KCNK10: variants seen among roughly 807,000 people sequenced by gnomAD.
KCNK10 encodes potassium channel subfamily K member 10.
A neutral mutation model predicts 47.7 loss-of-function variants in KCNK10; 25 were observed. The observed-to-expected ratio is 0.52, with a 90% CI of 0.38 to 0.73. The LOEUF (loss-of-function observed/expected upper bound fraction) is 0.73, where lower values mean the gene tolerates loss of function less well. Ranked by LOEUF, KCNK10 falls within the 30% of genes least tolerant of loss-of-function variation. The pLI is 0.00. For missense variants in KCNK10, 563 were observed against 714.5 expected, an observed-to-expected ratio of 0.79 and a Z score of 2.42; for synonymous variants, 303 against 285.6, an observed-to-expected ratio of 1.06 and a Z score of -0.61.
chr14:88,202,596 C>T (rs1478063196), intron 4 of KCNK10, among the ~76,000 whole-genome samples: 2 of 152,198 alleles, frequency 1.3e-5, no homozygotes, highest in South Asian at 2.1e-4. Flanking sequence ...CTCACTGGCA[C>T]CCGCCACTCC....
In KCNK10 at chr14:88,185,395, A is replaced by G; in HGVS notation, c.*140T>C. 8.2e-7 allele frequency: 1 copy of G among 1,224,952 alleles called. No individual in the cohort carries two copies. The highest frequency in any genetic ancestry group is 1.1e-6 in the Non-Finnish European group (1 of 899,208). 75.9% of individuals were successfully genotyped at this position (1,224,952 alleles called of 1,614,324 possible). ...TGGCAGAGCAAGCTTTCAGTTGTTT[A>G]TGGCACAGTGAAATATATTCTTCAA... On this transcript the variant is annotated 3_prime_UTR_variant, in exon 7 of 7. Coordinates refer to ENST00000319231, the MANE Select transcript of KCNK10 (RefSeq NM_138317.3). The surrounding 1 kb of genome is among the most constrained non-coding windows in gnomAD (Gnocchi z 4.3).
intron 1 of KCNK10, among the ~76,000 whole-genome samples, chr14:88,302,302 A>C: frequency 1.3e-5 from 2 of 152,338 alleles, no homozygotes; most frequent in Non-Finnish European, 2.9e-5. Flanking sequence ...AGGAGAACCT[A>C]CAGATCCTGA....
At chr14:88,201,684 G>C (rs530374021) in intron 4 of KCNK10, among the ~76,000 whole-genome samples, 4 of 152,182 alleles carry the variant, frequency 2.6e-5, no homozygotes, top group Admixed American at 6.5e-5. Context: ...AAAATAGAAG[G>C]CTACACTGAA....
At chr14:88,192,667 T>A (rs909669258) in intron 4 of KCNK10, among the ~76,000 whole-genome samples, 3 of 152,180 alleles carry the variant, frequency 2.0e-5, no homozygotes, top group Non-Finnish European at 4.4e-5. Context: ...AAAATCCTGC[T>A]TAGCCAATGC....
intron 4 of KCNK10, among the ~76,000 whole-genome samples, chr14:88,201,609 G>A (rs1437257224): frequency 1.3e-5 from 2 of 151,840 alleles, no homozygotes; most frequent in Admixed American, 6.6e-5. Context: ...GCAGTGAGCC[G>A]AGATCATGTA....
At chr14:88,192,967 C>G (rs1231477627) in intron 4 of KCNK10, among the ~76,000 whole-genome samples, 1 of 152,234 alleles carries the variant, frequency 6.6e-6, no homozygotes, top group Admixed American at 6.5e-5. Flanking sequence ...GTGACCGACT[C>G]TAGCCAAGTA....
At chr14:88,245,721 T>C (rs17124348) in intron 2 of KCNK10, among the ~76,000 whole-genome samples, 7,776 of 152,264 alleles carry the variant, frequency 0.051, 454 homozygotes, top group African/African-American at 0.14. Context: ...CTCTTGGTTG[T>C]CTCAGATTGG....
At chr14:88,222,627 A>C (rs1229978003) in intron 4 of KCNK10, among the ~76,000 whole-genome samples, 1 of 152,178 alleles carries the variant, frequency 6.6e-6, no homozygotes, top group Non-Finnish European at 1.5e-5. Context: ...ATAATGAGGG[A>C]GACTGCACAT....
chr14:88,288,988 G>A (rs1413643136), intron 1 of KCNK10, among the ~76,000 whole-genome samples: 3 of 152,128 alleles, frequency 2.0e-5, no homozygotes, highest in Non-Finnish European at 4.4e-5. Flanking sequence ...ATTGTATTCT[G>A]TACTGATTTG....
intron 1 of KCNK10, among the ~76,000 whole-genome samples, chr14:88,305,695 A>G (rs1430031518): frequency 2.0e-5 from 3 of 152,198 alleles, no homozygotes; most frequent in African/African-American, 7.2e-5. Flanking sequence ...TGATCCTACA[A>G]TTACAATTTG....
chr14:88,219,344 T>A (rs1885723169), intron 4 of KCNK10, among the ~76,000 whole-genome samples: 1 of 152,192 alleles, frequency 6.6e-6, no homozygotes, highest in Non-Finnish European at 1.5e-5. Context: ...ACCTGGTAAC[T>A]AGCTCGGGCC....
At chr14:88,320,061 C>A (rs183251529) in intron 1 of KCNK10, among the ~76,000 whole-genome samples, 1 of 152,326 alleles carries the variant, frequency 6.6e-6, no homozygotes, top group Non-Finnish European at 1.5e-5. Flanking sequence ...ACTACTGTCA[C>A]CCCTACCTTT....
intron 1 of KCNK10, among the ~76,000 whole-genome samples, chr14:88,292,875 G>A (rs909522833): frequency 5.9e-5 from 9 of 152,062 alleles, no homozygotes; most frequent in Non-Finnish European, 7.4e-5. Flanking sequence ...GGCCTGCCTC[G>A]GCCTCCCATA....
In KCNK10 at chr14:88,255,557, G is replaced by C. The variant is rs555066913; in HGVS notation, c.402+7645C>G. Among the ~76,000 whole-genome samples the C allele has an allele frequency of 1.4e-4, 21 of 149,946 alleles. 1 individual carries two copies. In the South Asian group the frequency reaches 4.5e-3, roughly 32 times the overall value. Reference sequence around the variant, plus strand: ...AAAAAAAAAAAAAAATTAAAAATTAGCTGGGTCTGGTGGTATCCACCTGTA... The same window carrying C: ...AAAAAAAAAAAAAAATTAAAAATTACCTGGGTCTGGTGGTATCCACCTGTA... On this transcript the variant is annotated intron_variant, in intron 2 of 6. Transcript: ENST00000319231.
At chr14:88,272,769 G>T (rs577953888) in intron 1 of KCNK10, among the ~76,000 whole-genome samples, 11 of 152,212 alleles carry the variant, frequency 7.2e-5, no homozygotes, top group East Asian at 1.9e-4. Flanking sequence ...GATCGTCTGT[G>T]GGGGGTGTGG....
rs938905163 is a variant in KCNK10 at position 88,260,594 on chromosome 14, G to A, written c.402+2608C>T. 8.5e-5 allele frequency among the ~76,000 whole-genome samples: 13 copies of A among 152,120 alleles called. No individual in the cohort carries two copies. Among genetic ancestry groups the A allele is most frequent in the African/African-American group, 1.2e-4 (5 of 41,424 alleles). ...GAGTGTACAGTCAGTCCAACCTTGC[G>A]CTGACTACCAGCTCTACCACTTTGG... is the stretch of plus-strand genomic sequence containing the variant. On this transcript the variant is annotated intron_variant, in intron 2 of 6. Coordinates refer to ENST00000319231, the MANE Select transcript of KCNK10 (RefSeq NM_138317.3). This position sits in a 1 kb window ranked among gnomAD's most constrained non-coding sequence, Gnocchi z 4.5.
chr14:88,239,348 C>T (rs1886385746), intron 3 of KCNK10, among the ~76,000 whole-genome samples: 1 of 152,096 alleles, frequency 6.6e-6, no homozygotes, highest in Admixed American at 6.5e-5. Context: ...TCACTGACTG[C>T]CTTATATGTA....
intron 1 of KCNK10, among the ~76,000 whole-genome samples, chr14:88,279,315 G>C (rs192431478): frequency 6.6e-6 from 1 of 151,266 alleles, no homozygotes; most frequent in Middle Eastern, 3.2e-3. Context: ...AGACTGCATC[G>C]CATGGTAGCT....
intron 1 of KCNK10, among the ~76,000 whole-genome samples, chr14:88,270,569 C>T (rs550867296): frequency 3.3e-5 from 5 of 152,308 alleles, no homozygotes; most frequent in Admixed American, 2.0e-4. Context: ...TCAGGCTGCA[C>T]TTCCAGATGG....
Sources: gnomAD v4.1 joint callset for allele counts (sites outside exome capture counted in the v4.1 genomes callset) on GRCh38, gnomAD v4.1.1 for gene constraint, Gnocchi (gnomAD v3.1) non-coding constraint, MANE v1.5 for transcripts, NCBI Gene and HGNC (gene_info 2026-07-23, HGNC 2026-07-21) for gene names.